The following CATSPERB variants were observed in gnomAD, a reference collection of about 807,000 sequenced individuals.
CATSPERB encodes the protein catsper channel auxiliary subunit beta.
Under a neutral mutation model 128.3 loss-of-function variants are expected in CATSPERB, and 93 were observed. The ratio of observed to expected loss-of-function variants is 0.72; its 90% CI spans 0.61 to 0.86. CATSPERB has a LOEUF of 0.86. Among genes scored for constraint, CATSPERB ranks in the 40% least tolerant of loss-of-function variants. The pLI is 0.00. For missense variants in CATSPERB, 1,153 were observed against 1,329.5 expected (o/e 0.87, Z 2.06); for synonymous variants, 381 against 448.8 (o/e 0.85, Z 1.91).
chr14:91,667,978 C>T (rs955834348), intron 14 of CATSPERB, among the ~76,000 whole-genome samples: 1 of 152,148 alleles, frequency 6.6e-6, no homozygotes, highest in Non-Finnish European at 1.5e-5. Flanking sequence ...CAAATGGAAC[C>T]CCAAATGAGC....
chr14:91,612,037 T>TTTCTTTCTTTCA (rs1331853362), intron 20 of CATSPERB, among the ~76,000 whole-genome samples: 81 of 101,870 alleles, frequency 8.0e-4, no homozygotes, highest in Middle Eastern at 4.8e-3. Flanking sequence ...TCTTTCTTTC[T>TTTCTTTCTTTCA]TTCTTTCTTT....
At chr14:91,671,913 G>A (rs1231551105) in intron 13 of CATSPERB, among the ~76,000 whole-genome samples, 1 of 151,490 alleles carries the variant, frequency 6.6e-6, no homozygotes, top group Non-Finnish European at 1.5e-5. Flanking sequence ...CAGCTACTCG[G>A]AGAGGCTGAG....
intron 13 of CATSPERB, among the ~76,000 whole-genome samples, chr14:91,672,022 A>AAACAACAACAACAAC (rs35442642): frequency 6.7e-4 from 101 of 150,142 alleles, no homozygotes; most frequent in African/African-American, 2.4e-3. Context: ...TCTGTCTCAA[A>AAACAACAACAACAAC]AACAACAACA....
At chr14:91,700,070 C>G (rs1201309799) in intron 7 of CATSPERB, among the ~76,000 whole-genome samples, 1 of 152,012 alleles carries the variant, frequency 6.6e-6, no homozygotes, top group African/African-American at 2.4e-5. Flanking sequence ...TCTCCTAATG[C>G]TATCCCTCCT....
chr14:91,693,560 T>A (rs112523128), intron 7 of CATSPERB, 81 bp from the exon 8 acceptor site: 6 of 921,262 alleles, frequency 6.5e-6, no homozygotes, highest in Admixed American at 1.9e-5. Context: ...CCAGAGTCCG[T>A]TCCAACTCCC....
At chr14:91,591,784 T>G in intron 23 of CATSPERB, 108 bp downstream of exon 23, 1 of 762,294 alleles carries the variant, frequency 1.3e-6, no homozygotes, top group South Asian at 1.6e-5. Context: ...TGCATCATAA[T>G]AAGACATTAT....
chr14:91,626,242 A>C (rs1323530455), intron 17 of CATSPERB, among the ~76,000 whole-genome samples: 1 of 152,024 alleles, frequency 6.6e-6, no homozygotes, highest in Non-Finnish European at 1.5e-5. Flanking sequence ...TATGGCAATT[A>C]CTTTTTTCCC....
chr14:91,636,730 C>T (rs1894383078), intron 16 of CATSPERB, 151 bp from the exon 17 acceptor site: 3 of 698,314 alleles, frequency 4.3e-6, no homozygotes, highest in Non-Finnish European at 7.0e-6. Context: ...TCTGTTGGAA[C>T]ATCCATGTGT....
intron 15 of CATSPERB, among the ~76,000 whole-genome samples, chr14:91,654,834 T>C (rs1894761307): frequency 6.6e-6 from 1 of 152,308 alleles, no homozygotes; most frequent in East Asian, 1.9e-4. Context: ...TTTGACCCAG[T>C]GCAGTCCTAG....
chr14:91,653,872 T>G (rs1894747110), intron 15 of CATSPERB, among the ~76,000 whole-genome samples: 1 of 152,154 alleles, frequency 6.6e-6, no homozygotes, highest in Admixed American at 6.5e-5. Flanking sequence ...TGAAGCCAGG[T>G]TTACCACTTT....
rs768587337 is a variant in CATSPERB, at chr14:91,669,941, G to T, written c.1160C>A (p.Thr387Asn). The change falls in exon 14 of 27, where the codon ACC becomes AAC. Residue 387 changes from threonine to asparagine, a missense_variant. Physicochemically the swap from Thr to Asn is moderately conservative, Grantham distance 65. Coordinates refer to ENST00000256343, the MANE Select transcript of CATSPERB (RefSeq NM_024764.4). Reference sequence around the variant, plus strand: ...TGAATTTGGTTCATTATTTCTCAGGGTGCTCACAGAGGCAATGGCAGTTTT... The same window carrying T: ...TGAATTTGGTTCATTATTTCTCAGGTTGCTCACAGAGGCAATGGCAGTTTT... ...VRKTAIASVS[T>N]LRNNEPNSQS... 1 of 1,613,420 alleles carries T rather than the reference G, an allele frequency of 6.2e-7. No individual in the cohort carries two copies.
At chr14:91,592,274 T>C in intron 22 of CATSPERB, 1 of 422,240 alleles carries the variant, frequency 2.4e-6, no homozygotes, top group Non-Finnish European at 4.3e-6. Flanking sequence ...GCCTGTGTCA[T>C]TCTGAATTCT....
At chr14:91,663,254 T>C (rs1053288928) in intron 14 of CATSPERB, among the ~76,000 whole-genome samples, 4 of 152,198 alleles carry the variant, frequency 2.6e-5, no homozygotes, top group African/African-American at 9.7e-5. Flanking sequence ...TTTTGGCCCA[T>C]ATCACCAGTG....
chr14:91,691,936 T>A (rs1212190437), intron 9 of CATSPERB, among the ~76,000 whole-genome samples: 2 of 152,104 alleles, frequency 1.3e-5, no homozygotes, highest in Non-Finnish European at 2.9e-5. Context: ...CCTAGCACTT[T>A]GGGAGGCCGC....
chr14:91,637,796 T>G (rs1189413767), intron 16 of CATSPERB, among the ~76,000 whole-genome samples: 1 of 88,094 alleles, frequency 1.1e-5, no homozygotes, highest in Non-Finnish European at 2.7e-5. Context: ...ACCTGTAGGG[T>G]TTTTTTTTCT....
intron 15 of CATSPERB, among the ~76,000 whole-genome samples, chr14:91,647,502 A>C (rs1241879423): frequency 6.6e-6 from 1 of 152,166 alleles, no homozygotes; most frequent in Non-Finnish European, 1.5e-5. Context: ...ATAAAGACAT[A>C]CCTGAGACTG....
intron 21 of CATSPERB, among the ~76,000 whole-genome samples, chr14:91,610,115 A>T (rs1426889220): frequency 2.0e-5 from 3 of 152,248 alleles, no homozygotes; most frequent in Non-Finnish European, 1.5e-5. Flanking sequence ...TCTTGAAAAA[A>T]ATCCGCATGT....
At chr14:91,605,295 G>A (rs1311097665) in intron 22 of CATSPERB, 48 of 936,280 alleles carry the variant, frequency 5.1e-5, no homozygotes, top group Non-Finnish European at 7.5e-5. Flanking sequence ...GGCAGGCTTT[G>A]TGAACAAGCT....
chr14:91,717,047 C>T (rs1396350810), intron 5 of CATSPERB, among the ~76,000 whole-genome samples: 1 of 152,138 alleles, frequency 6.6e-6, no homozygotes, highest in African/African-American at 2.4e-5. Flanking sequence ...AAACACTACC[C>T]AACAAGAACA....
Sources: allele counts gnomAD v4.1 joint callset (sites outside exome capture counted in the v4.1 genomes callset), GRCh38; gene constraint gnomAD v4.1.1; transcripts MANE v1.5; gene names NCBI Gene and HGNC (gene_info 2026-07-23, HGNC 2026-07-21).